The following SLC5A10 variants were observed in gnomAD, a reference collection of about 807,000 sequenced individuals.
SLC5A10 encodes the protein sodium/mannose cotransporter SLC5A10.
Under a neutral mutation model 68.9 loss-of-function variants are expected in SLC5A10, and 55 were observed. That is an observed-to-expected ratio of 0.80 (90% CI 0.64 to 1.00). The LOEUF (loss-of-function observed/expected upper bound fraction) is 1.00, where lower values mean the gene tolerates loss of function less well. Ranked by LOEUF, SLC5A10 falls within the 50% of genes least tolerant of loss-of-function variation. SLC5A10 has a pLI of 0.00. For synonymous variants in SLC5A10, 344 were observed against 344.8 expected, an observed-to-expected ratio of 1.00 and a Z score of 0.02; for missense variants, 732 against 819.3, an observed-to-expected ratio of 0.89 and a Z score of 1.30.
At chr17:18,958,847 C>G in intron 2 of SLC5A10, 94 bp downstream of exon 2, 1 of 1,439,000 alleles carries the variant, frequency 6.9e-7, no homozygotes, top group Non-Finnish European at 9.7e-7. Flanking sequence ...TTGAGCCAGT[C>G]CAATTCAGTG....
chr17:18,958,829 C>G, intron 2 of SLC5A10, 76 bp downstream of exon 2: 1 of 1,536,998 alleles, frequency 6.5e-7, no homozygotes, highest in Non-Finnish European at 9.0e-7. Flanking sequence ...CACCTGGCAT[C>G]TGTATCTTTG....
intron 9 of SLC5A10, chr17:18,978,098 A>C: frequency 1.3e-6 from 2 of 1,516,034 alleles, no homozygotes; most frequent in Admixed American, 4.4e-5. Flanking sequence ...GACCCAGCCA[A>C]TATCACTGCT....
At chr17:19,015,342 A>T in intron 11 of SLC5A10, 143 bp downstream of exon 11, 1 of 610,406 alleles carries the variant, frequency 1.6e-6, no homozygotes, top group South Asian at 2.1e-5. Context: ...AGTGTACCCC[A>T]TCCATACCAC....
chr17:19,012,112 C>T (rs2152152349), intron 9 of SLC5A10, among the ~76,000 whole-genome samples: 1 of 152,280 alleles, frequency 6.6e-6, no homozygotes, highest in Admixed American at 6.5e-5. Context: ...TCCTGAAAAC[C>T]CCAGAAGCAG....
chr17:18,956,465 G>GTTTTTTTTTTTTTTTTTTTTTCTTTTT (rs2042504202), intron 1 of SLC5A10, among the ~76,000 whole-genome samples: 1 of 98,010 alleles, frequency 1.0e-5, no homozygotes, highest in Admixed American at 1.3e-4. Flanking sequence ...TTTTCTTTCT[G>GTTTTTTTTTTTTTTTTTTTTTCTTTTT]TTTTTTTTTT....
rs377332589 is a variant in SLC5A10, at chr17:19,003,812, C to A, written c.983-9598C>A. ...GCCCGTGCCCCGAGGGTCCTCAGAG[C>A]CCGGGTCGTACACCTCGATGGTCTC... On this transcript the variant is annotated intron_variant, in intron 9 of 14. Coordinates refer to ENST00000395645, the MANE Select transcript of SLC5A10 (RefSeq NM_001042450.4). This position sits in a 1 kb window ranked among gnomAD's most constrained non-coding sequence, Gnocchi z 4.5. 1 of 1,612,838 alleles carries A rather than the reference C, an allele frequency of 6.2e-7. No homozygotes were observed.
rs2043786327 is a variant in SLC5A10, at chr17:19,003,496, C to G, written c.983-9914C>G. Reference sequence around the variant, plus strand: ...TCCGGTGGCTGGTTGGGCCATGGCTCCAGGAGTCCCCGCGCTGCCTCACCT... The same window carrying G: ...TCCGGTGGCTGGTTGGGCCATGGCTGCAGGAGTCCCCGCGCTGCCTCACCT... On this transcript the variant is annotated intron_variant, in intron 9 of 14. Coordinates refer to ENST00000395645, the MANE Select transcript of SLC5A10 (RefSeq NM_001042450.4). The surrounding 1 kb of genome is among the most constrained non-coding windows in gnomAD (Gnocchi z 4.5). 1.3e-6 allele frequency: 2 copies of G among 1,514,786 alleles called. No individual in the cohort carries two copies. The highest frequency in any genetic ancestry group is 2.8e-5 in the African/African-American group (2 of 71,682). The allele number at this position is 1,514,786 out of a possible 1,614,324, so 93.8% of individuals were successfully genotyped here.
intron 7 of SLC5A10, 177 bp from the exon 8 acceptor site, chr17:18,970,836 T>TAA (rs530597462): frequency 4.4e-4 from 220 of 503,550 alleles, no homozygotes; most frequent in East Asian, 7.2e-4. Context: ...AAATACACCT[T>TAA]AAAAAAAAAA....
chr17:18,965,517 C>T (rs2042692410), intron 5 of SLC5A10, among the ~76,000 whole-genome samples: 2 of 152,222 alleles, frequency 1.3e-5, no homozygotes, highest in Admixed American at 6.5e-5. Context: ...GGCCGGTTCC[C>T]AGCCTCCTTC....
chr17:18,952,181 A>T lies in SLC5A10; in HGVS notation c.-25A>T. ...TTGCCCCTCAGTCCCTCGGGCTCAT[A>T]CCTAGTGCCTGCGGCAGGACAGCCA... On this transcript the variant is annotated 5_prime_UTR_variant, in exon 1 of 15. Coordinates refer to ENST00000395645, the MANE Select transcript of SLC5A10 (RefSeq NM_001042450.4). The T allele has an allele frequency of 6.2e-7, 1 of 1,607,312 alleles. No individual in the cohort carries two copies. The highest frequency in any genetic ancestry group is 8.5e-7 in the Non-Finnish European group (1 of 1,177,094).
In SLC5A10 at chr17:18,968,967, G is replaced by C. The variant is rs936334519; in HGVS notation, c.454-85G>C. 4.5e-6 allele frequency: 6 copies of C among 1,341,726 alleles called. No homozygotes were observed. The highest frequency in any genetic ancestry group is 2.2e-5 in the Admixed American group (1 of 45,052). 83.1% of individuals were successfully genotyped at this position (1,341,726 alleles called of 1,614,324 possible). On this transcript the variant is annotated intron_variant, in intron 5 of 14. Transcript: ENST00000395645. This position sits in a 1 kb window ranked among gnomAD's most constrained non-coding sequence, Gnocchi z 4.1. ...TATCCACAGGCCACCGAGGCCCAGA[G>C]AGGGCCTTGCCCGAGGTCACCCAGG...
chr17:18,978,938 A>T, intron 9 of SLC5A10: 4 of 1,451,626 alleles, frequency 2.8e-6, no homozygotes, highest in South Asian at 1.3e-5. Flanking sequence ...TGGGCCTCAG[A>T]CTGTGGCCAC....
At chr17:18,981,906 G>A (rs1231473885) in intron 9 of SLC5A10, among the ~76,000 whole-genome samples, 2 of 152,210 alleles carry the variant, frequency 1.3e-5, no homozygotes, top group African/African-American at 4.8e-5. Context: ...CAAAGATCCT[G>A]GAGGTGGTAC....
At chr17:18,955,469 C>T (rs911941562) in intron 1 of SLC5A10, among the ~76,000 whole-genome samples, 5 of 152,206 alleles carry the variant, frequency 3.3e-5, no homozygotes, top group South Asian at 4.1e-4. Flanking sequence ...TGGGGGCCTT[C>T]GGGGAACCTT....
intron 5 of SLC5A10, among the ~76,000 whole-genome samples, chr17:18,963,926 TCCCTCG>T (rs2042660587): frequency 6.6e-6 from 1 of 152,118 alleles, no homozygotes; most frequent in Non-Finnish European, 1.5e-5. Flanking sequence ...ACCTCACCCC[TCCCTCG>T]CCCTGTTGCC....
intron 9 of SLC5A10, among the ~76,000 whole-genome samples, chr17:18,985,883 T>C (rs1903247817): frequency 6.6e-6 from 1 of 152,236 alleles, no homozygotes; most frequent in South Asian, 2.1e-4. Flanking sequence ...GCAGGCCTCA[T>C]ACCCAAGCCC....
chr17:18,980,235 C>G (rs910436609), intron 9 of SLC5A10, among the ~76,000 whole-genome samples: 4 of 152,192 alleles, frequency 2.6e-5, no homozygotes, highest in Non-Finnish European at 5.9e-5. Flanking sequence ...CTGCTGGGCT[C>G]TGCTCCGAGG....
intron 9 of SLC5A10, among the ~76,000 whole-genome samples, chr17:18,983,994 T>G (rs1351440081): frequency 1.3e-5 from 2 of 152,134 alleles, no homozygotes; most frequent in Middle Eastern, 3.2e-3. Flanking sequence ...ACCCCCAAGG[T>G]GGACAGTTAA....
At chr17:18,963,726 A>G (rs2042656421) in intron 5 of SLC5A10, among the ~76,000 whole-genome samples, 1 of 152,240 alleles carries the variant, frequency 6.6e-6, no homozygotes. Context: ...AGGCAGGGGC[A>G]CTGGCCCACA....
Sources: allele counts gnomAD v4.1 joint callset (sites outside exome capture counted in the v4.1 genomes callset), GRCh38; gene constraint gnomAD v4.1.1; non-coding constraint Gnocchi (gnomAD v3.1); transcripts MANE v1.5; gene names NCBI Gene and HGNC (gene_info 2026-07-23, HGNC 2026-07-21).